The following EYS variants were observed in gnomAD, a reference collection of about 807,000 sequenced individuals.
The protein encoded by EYS is EGF-like photoreceptor maintenance factor.
Under a neutral mutation model 282.1 loss-of-function variants are expected in EYS, and 250 were observed. The observed-to-expected ratio is 0.89, with a 90% CI of 0.80 to 0.98. The LOEUF is 0.98. Ranked by LOEUF, EYS falls within the 50% of genes least tolerant of loss-of-function variation. The probability of loss-of-function intolerance (pLI) is 0.00; values close to 1 mark genes in which losing one functional copy is unlikely to be tolerated. For synonymous variants in EYS, 1,355 were observed against 1,282.9 expected (o/e 1.06, Z -1.20); for missense variants, 4,016 against 3,709.0 (o/e 1.08, Z -2.15).
chr6:63,905,543 G>C (rs1773758945), intron 35 of EYS, among the ~76,000 whole-genome samples: 1 of 151,910 alleles, frequency 6.6e-6, no homozygotes, highest in South Asian at 2.1e-4. Flanking sequence ...TGTTAGCCAG[G>C]ATGGTCTCCA....
intron 22 of EYS, among the ~76,000 whole-genome samples, chr6:64,653,346 T>C (rs1251894556): frequency 6.6e-6 from 1 of 152,162 alleles, no homozygotes; most frequent in East Asian, 1.9e-4. Context: ...TTGTGATAGT[T>C]TGTTATGGCA....
rs1554220492 is a variant in EYS at position 64,945,915 on chromosome 6, C to CT, written c.2260-2dup. 6.5e-7 allele frequency: 1 copy of CT among 1,541,334 alleles called. No homozygotes were observed. The highest frequency in any genetic ancestry group is 2.0e-5 in the Admixed American group (1 of 50,450). On this transcript the variant is annotated splice_acceptor_variant, in intron 14 of 42. Transcript: ENST00000503581. LOFTEE classifies it high-confidence loss of function. ...CAGATAGGCACACACACTGGTAGCT[C>CT]TAAGAGAATATGAAATTATATATTT... is the stretch of plus-strand genomic sequence containing the variant.
In EYS at chr6:64,690,403, C is replaced by T. The variant is rs181721624; in HGVS notation, c.3444-64158G>A. Among the ~76,000 whole-genome samples the T allele has an allele frequency of 7.0e-3, 1,058 of 152,196 alleles. 4 individuals carry two copies. Among genetic ancestry groups the T allele is most frequent in the Non-Finnish European group, 9.2e-3 (629 of 68,002 alleles). ...TGGGAGTGTAAACTAGTTCAACCAT[C>T]GTGGAAGACAGTGTGGCGATTCCTC... On this transcript the variant is annotated intron_variant, in intron 22 of 42. Transcript: ENST00000503581.
intron 26 of EYS, among the ~76,000 whole-genome samples, chr6:64,480,128 G>A (rs577845615): frequency 6.6e-5 from 10 of 151,976 alleles, no homozygotes; most frequent in Non-Finnish European, 1.5e-4. Flanking sequence ...ACTCTCTCCA[G>A]TTGTAGTGGT....
At chr6:65,329,884 A>G (rs1769733611) in intron 11 of EYS, 3 of 980,840 alleles carry the variant, frequency 3.1e-6, no homozygotes, top group East Asian at 1.1e-4. Flanking sequence ...TGATTTTCTT[A>G]TGGACTTTTA....
intron 35 of EYS, among the ~76,000 whole-genome samples, chr6:63,909,354 C>A (rs67028765): frequency 0.053 from 8,005 of 152,138 alleles, 233 homozygotes; most frequent in African/African-American, 0.071. Context: ...ATTACTCTCT[C>A]TATATATTTT....
chr6:64,295,226 A>G (rs920066327), intron 30 of EYS, among the ~76,000 whole-genome samples: 1 of 148,572 alleles, frequency 6.7e-6, no homozygotes, highest in South Asian at 2.2e-4. Flanking sequence ...TATTTAAAAA[A>G]TTAGCCGTTT....
intron 35 of EYS, among the ~76,000 whole-genome samples, chr6:63,928,700 T>G (rs541990316): frequency 3.9e-5 from 6 of 152,230 alleles, no homozygotes; most frequent in Admixed American, 1.3e-4. Flanking sequence ...AATTTCTTCC[T>G]GACATTTTAA....
intron 11 of EYS, among the ~76,000 whole-genome samples, chr6:65,318,313 CAGAG>C (rs1051741509): frequency 6.6e-6 from 1 of 151,716 alleles, no homozygotes; most frequent in African/African-American, 2.4e-5. Context: ...CACAAAGAGA[CAGAG>C]AGAACAAGAG....
chr6:64,425,246 A>G (rs1456434433), intron 28 of EYS, among the ~76,000 whole-genome samples: 3 of 152,206 alleles, frequency 2.0e-5, no homozygotes, highest in African/African-American at 4.8e-5. Context: ...CCAATGAAGA[A>G]CCTTCAAACA....
intron 36 of EYS, among the ~76,000 whole-genome samples, chr6:63,811,067 G>C (rs773450222): frequency 6.6e-6 from 1 of 152,078 alleles, no homozygotes; most frequent in Non-Finnish European, 1.5e-5. Context: ...CTGCCTCCCA[G>C]GAGTTACCAA....
At position 65,405,276 on chromosome 6, in the gene EYS, A is replaced by G. The variant is rs769722435; in HGVS notation, c.954T>C (p.Tyr318=). The G allele has an allele frequency of 3.7e-6, 6 of 1,613,406 alleles. No individual in the cohort carries two copies. The highest frequency in any genetic ancestry group is 2.7e-5 in the African/African-American group (2 of 74,978). Residue 318 remains tyrosine, a synonymous_variant, in exon 6 of 43, where the codon TAT becomes TAC. Transcript: ENST00000503581. Reference sequence around the variant, plus strand: ...GGCTGGAAGATCCTTTTGGGCATTCATAAGTATAAGCAGAACTGCTATTTG... The same window carrying G: ...GGCTGGAAGATCCTTTTGGGCATTCGTAAGTATAAGCAGAACTGCTATTTG... The part of the protein sequence containing the change: ...ICPNSSSAYT[Y]ECPKGSSSQN...
chr6:64,556,569 T>TA (rs1254941627), intron 26 of EYS, among the ~76,000 whole-genome samples: 2 of 152,024 alleles, frequency 1.3e-5, no homozygotes, highest in Admixed American at 1.3e-4. Flanking sequence ...ACTATACATC[T>TA]ATCTAAATTA....
At chr6:63,823,593 T>C (rs79742658) in intron 36 of EYS, among the ~76,000 whole-genome samples, 9 of 152,188 alleles carry the variant, frequency 5.9e-5, no homozygotes, top group Non-Finnish European at 7.4e-5. Context: ...TTTCTAATCA[T>C]ATTTTTCATC....
At chr6:64,213,492 TAA>T (rs1225451105) in intron 31 of EYS, among the ~76,000 whole-genome samples, 6 of 152,194 alleles carry the variant, frequency 3.9e-5, no homozygotes, top group Non-Finnish European at 7.4e-5. Context: ...ATGATATGTA[TAA>T]GACTGTATAA....
intron 35 of EYS, among the ~76,000 whole-genome samples, chr6:63,873,352 A>G (rs1367338659): frequency 6.6e-6 from 1 of 152,176 alleles, no homozygotes; most frequent in African/African-American, 2.4e-5. Flanking sequence ...TTATGGCTGC[A>G]TAGTATTCCA....
chr6:64,549,098 TA>T (rs1385931042), intron 26 of EYS, among the ~76,000 whole-genome samples: 1 of 152,194 alleles, frequency 6.6e-6, no homozygotes, highest in African/African-American at 2.4e-5. Context: ...AGGTACTCAA[TA>T]GCTACAAAAA....
intron 22 of EYS, among the ~76,000 whole-genome samples, chr6:64,644,079 T>C (rs1288148245): frequency 4.6e-5 from 7 of 152,236 alleles, no homozygotes; most frequent in African/African-American, 1.7e-4. Flanking sequence ...TATGACCTGA[T>C]TTTTCTTTTG....
intron 2 of EYS, among the ~76,000 whole-genome samples, chr6:65,526,118 A>C (rs1767550515): frequency 6.6e-6 from 1 of 152,192 alleles, no homozygotes; most frequent in Admixed American, 6.5e-5. Flanking sequence ...AGAGAGCAAT[A>C]GCATGTCAGT....
Sources: allele counts gnomAD v4.1 joint callset (sites outside exome capture counted in the v4.1 genomes callset), GRCh38; gene constraint gnomAD v4.1.1; transcripts MANE v1.5; gene names NCBI Gene and HGNC (gene_info 2026-07-23, HGNC 2026-07-21).